The following IL1RAPL2 variants were observed in gnomAD, a reference collection of about 807,000 sequenced individuals.
IL1RAPL2 encodes X-linked interleukin-1 receptor accessory protein-like 2.
IL1RAPL2 carries 3 observed loss-of-function variants against 44.1 expected under a neutral mutation model. That is an observed-to-expected ratio of 0.07 (90% CI 0.03 to 0.18). The LOEUF (loss-of-function observed/expected upper bound fraction) is 0.18, where lower values mean the gene tolerates loss of function less well. IL1RAPL2 is among the 10% of genes least tolerant of loss of function. IL1RAPL2 has a pLI of 1.00. For missense variants in IL1RAPL2, 391 were observed against 496.4 expected (o/e 0.79, Z 2.02); for synonymous variants, 181 against 178.8 (o/e 1.01, Z -0.10).
intron 2 of IL1RAPL2, among the ~76,000 whole-genome samples, chrX:105,027,010 A>G (rs1372159035): frequency 1.8e-5 from 2 of 111,128 alleles, no homozygotes; most frequent in Non-Finnish European, 3.8e-5. Context: ...AGAACCCAAA[A>G]CAAAATCCAC....
At chrX:104,919,955 T>G (rs1269187015) in intron 2 of IL1RAPL2, among the ~76,000 whole-genome samples, 1 of 111,055 alleles carries the variant, frequency 9.0e-6, no homozygotes, top group Non-Finnish European at 1.9e-5. Flanking sequence ...TTGTATGTCC[T>G]GCATGGAGGC....
intron 2 of IL1RAPL2, among the ~76,000 whole-genome samples, chrX:105,016,635 G>A (rs749691399): frequency 8.9e-6 from 1 of 111,833 alleles, no homozygotes; most frequent in South Asian, 3.7e-4. Flanking sequence ...TGTGTATGTT[G>A]AACTAGCCTT....
At chrX:104,983,432 A>G (rs1218934283) in intron 2 of IL1RAPL2, among the ~76,000 whole-genome samples, 5 of 46,031 alleles carry the variant, frequency 1.1e-4, no homozygotes, top group Admixed American at 2.0e-4. Context: ...GATACATAAT[A>G]TATAATAGAT....
chrX:105,243,619 A>G (rs979080830), intron 4 of IL1RAPL2, among the ~76,000 whole-genome samples: 6 of 103,744 alleles, frequency 5.8e-5, no homozygotes, highest in African/African-American at 2.1e-4. Context: ...TTTTTTTACA[A>G]AAGAGTTTTA....
intron 2 of IL1RAPL2, among the ~76,000 whole-genome samples, chrX:105,004,326 G>A (rs1003105073): frequency 9.0e-6 from 1 of 110,792 alleles, no homozygotes; most frequent in African/African-American, 3.3e-5. Context: ...AAAGCTGGCA[G>A]TTGTGTTTTG....
At chrX:105,544,263 T>C (rs1228884395) in intron 6 of IL1RAPL2, among the ~76,000 whole-genome samples, 1 of 112,200 alleles carries the variant, frequency 8.9e-6, no homozygotes, top group African/African-American at 3.2e-5. Flanking sequence ...TTTTTGCATC[T>C]TACAACTTAA....
chrX:104,942,395 C>A (rs1186702895), intron 2 of IL1RAPL2, among the ~76,000 whole-genome samples: 8 of 111,110 alleles, frequency 7.2e-5, no homozygotes, highest in Non-Finnish European at 1.1e-4. Flanking sequence ...GTTTGTAGTT[C>A]TTCTTGAAGA....
chrX:105,145,268 TAC>T lies in IL1RAPL2; in HGVS notation c.83-50205_83-50204del, dbSNP rs757011541. Among the ~76,000 whole-genome samples, 63 of 111,806 alleles carry T rather than the reference TAC, an allele frequency of 5.6e-4. 1 individual carries two copies. The highest frequency in any genetic ancestry group is 1.8e-3 in the African/African-American group (54 of 30,778). On this transcript the variant is annotated intron_variant, in intron 2 of 10. Transcript: ENST00000372582. ...GCATGTAAAATTTCATTATGAACCG[TAC>T]AGTGTTATACTGATGAGTTGCATTA...
At chrX:104,876,254 T>C (rs1236168430) in intron 2 of IL1RAPL2, among the ~76,000 whole-genome samples, 1 of 111,600 alleles carries the variant, frequency 9.0e-6, no homozygotes, top group East Asian at 2.8e-4. Flanking sequence ...TAAGCCTCTT[T>C]CACCCTCTGA....
intron 6 of IL1RAPL2, among the ~76,000 whole-genome samples, chrX:105,666,000 G>T (rs1413847536): frequency 2.8e-5 from 3 of 108,547 alleles, no homozygotes; most frequent in Non-Finnish European, 5.7e-5. Context: ...CTGACCTCGT[G>T]ATCCGCCTGT....
chrX:104,944,445 C>T lies in IL1RAPL2; in HGVS notation c.83-251030C>T, dbSNP rs749729426. On this transcript the variant is annotated intron_variant, in intron 2 of 10. Coordinates refer to ENST00000372582, the MANE Select transcript of IL1RAPL2 (RefSeq NM_017416.2). ...TCTCTGAAAATAGATCTTTTACAGC[C>T]TAGCAAAGAAAGCAAAATAATATAT... Among the ~76,000 whole-genome samples, 3 of 111,721 alleles carry T rather than the reference C, an allele frequency of 2.7e-5. No homozygotes were observed. In the East Asian group the frequency reaches 8.4e-4, roughly 31 times the overall value.
At chrX:105,688,119 T>C (rs1054501091) in intron 6 of IL1RAPL2, among the ~76,000 whole-genome samples, 1 of 111,870 alleles carries the variant, frequency 8.9e-6, no homozygotes, top group Non-Finnish European at 1.9e-5. Context: ...AATATCATAC[T>C]GAATGCGCAA....
intron 1 of IL1RAPL2, among the ~76,000 whole-genome samples, chrX:104,583,307 CAG>C (rs1347037535): frequency 1.8e-5 from 2 of 111,458 alleles, no homozygotes; most frequent in Middle Eastern, 4.6e-3. Flanking sequence ...AGTATATTCA[CAG>C]AGTCATGCAA....
chrX:105,134,372 G>T (rs890738611), intron 2 of IL1RAPL2, among the ~76,000 whole-genome samples: 7 of 112,054 alleles, frequency 6.2e-5, no homozygotes, highest in Non-Finnish European at 9.4e-5. Flanking sequence ...TTGAACTATT[G>T]TAATATGTTG....
At chrX:104,980,801 C>T (rs2030421924) in intron 2 of IL1RAPL2, among the ~76,000 whole-genome samples, 1 of 111,337 alleles carries the variant, frequency 9.0e-6, no homozygotes, top group Admixed American at 9.5e-5. Flanking sequence ...CTATTTGGAC[C>T]TTTTTTTGTT....
chrX:104,911,717 G>T (rs1459345020), intron 2 of IL1RAPL2, among the ~76,000 whole-genome samples: 5 of 111,356 alleles, frequency 4.5e-5, no homozygotes, highest in Non-Finnish European at 9.4e-5. Flanking sequence ...TCTCACCCTG[G>T]TCTACAAGTC....
chrX:105,420,653 G>C (rs2147745380), intron 5 of IL1RAPL2, among the ~76,000 whole-genome samples: 1 of 112,195 alleles, frequency 8.9e-6, no homozygotes, highest in Admixed American at 9.5e-5. Context: ...TCAATTAGTA[G>C]CTATGCTGGA....
At chrX:104,688,682 C>G (rs1931033894) in intron 2 of IL1RAPL2, among the ~76,000 whole-genome samples, 1 of 111,746 alleles carries the variant, frequency 8.9e-6, no homozygotes, top group South Asian at 3.8e-4. Context: ...TCTTGTTTAA[C>G]CCAAGTCACT....
intron 8 of IL1RAPL2, among the ~76,000 whole-genome samples, chrX:105,744,224 G>A (rs752113885): frequency 4.5e-5 from 5 of 111,725 alleles, no homozygotes; most frequent in Non-Finnish European, 9.4e-5. Context: ...TTGGCCCATA[G>A]TATACCAGTT....
Sources: allele counts gnomAD v4.1 joint callset (sites outside exome capture counted in the v4.1 genomes callset), GRCh38; gene constraint gnomAD v4.1.1; transcripts MANE v1.5; gene names NCBI Gene and HGNC (gene_info 2026-07-23, HGNC 2026-07-21).